CPPED1: variants seen among roughly 807,000 people sequenced by gnomAD.
CPPED1 encodes serine/threonine-protein phosphatase CPPED1.
A neutral mutation model predicts 28.0 loss-of-function variants in CPPED1; 28 were observed. That is an observed-to-expected ratio of 1.00 (90% confidence interval 0.74 to 1.37). CPPED1 has a LOEUF of 1.37. Ranked by LOEUF, CPPED1 falls within the 40% of genes most tolerant of loss-of-function variation. The probability of loss-of-function intolerance (pLI) is 0.00; values close to 1 mark genes in which losing one functional copy is unlikely to be tolerated. For synonymous variants in CPPED1, 198 were observed against 180.2 expected, an observed-to-expected ratio of 1.10 and a Z score of -0.79; for missense variants, 504 against 416.5, an observed-to-expected ratio of 1.21 and a Z score of -1.83.
chr16:12,670,558 A>G lies in CPPED1; in HGVS notation c.716-5443T>C, dbSNP rs1471582438. ...CAGTGAAGAAACTGGACAAACACCA[A>G]AAGCGATAAGTCACATGATTAGTAT... On this transcript the variant is annotated intron_variant, in intron 3 of 3. Coordinates refer to ENST00000381774, the MANE Select transcript of CPPED1 (RefSeq NM_018340.3). This position sits in a 1 kb window ranked among gnomAD's most constrained non-coding sequence, Gnocchi z 4.2. Among the ~76,000 whole-genome samples the G allele has an allele frequency of 6.6e-6, 1 of 152,220 alleles. No homozygotes were observed. The highest frequency in any genetic ancestry group is 1.5e-5 in the Non-Finnish European group (1 of 68,048).
chr16:12,775,731 C>T (rs554263935), intron 2 of CPPED1, among the ~76,000 whole-genome samples: 7 of 152,290 alleles, frequency 4.6e-5, no homozygotes, highest in Middle Eastern at 3.4e-3. Flanking sequence ...CAAAACGAAG[C>T]GCACAAGGTT....
chr16:12,688,045 T>C (rs11861536), intron 3 of CPPED1, among the ~76,000 whole-genome samples: 32,389 of 151,428 alleles, frequency 0.21, 6,183 homozygotes, highest in African/African-American at 0.52. Flanking sequence ...TTTTTTTTTT[T>C]TTGAGACAGG....
chr16:12,720,758 G>A (rs143738015), intron 2 of CPPED1, among the ~76,000 whole-genome samples: 4 of 152,344 alleles, frequency 2.6e-5, no homozygotes, highest in East Asian at 3.9e-4. Context: ...GATTACAGGC[G>A]TGCGCCATCG....
chr16:12,803,064 T>G (rs1429003682), intron 1 of CPPED1, among the ~76,000 whole-genome samples: 1 of 152,230 alleles, frequency 6.6e-6, no homozygotes, highest in Non-Finnish European at 1.5e-5. Flanking sequence ...ACAAAAATAC[T>G]TTTGATCTGT....
At chr16:12,794,910 G>C (rs927380899) in intron 1 of CPPED1, among the ~76,000 whole-genome samples, 1 of 152,258 alleles carries the variant, frequency 6.6e-6, no homozygotes, top group Non-Finnish European at 1.5e-5. Context: ...TAAGAAAGCA[G>C]ATGGGCTGGG....
At chr16:12,688,241 G>C (rs1276005823) in intron 3 of CPPED1, among the ~76,000 whole-genome samples, 1 of 150,860 alleles carries the variant, frequency 6.6e-6, no homozygotes, top group East Asian at 2.0e-4. Flanking sequence ...AGAAAGCAAA[G>C]TACTTGCACA....
chr16:12,667,393 G>T (rs995669811), intron 3 of CPPED1, among the ~76,000 whole-genome samples: 2 of 152,058 alleles, frequency 1.3e-5, no homozygotes, highest in African/African-American at 4.8e-5. Context: ...GAGAACAGGA[G>T]GTAATGAACA....
At chr16:12,752,705 A>T (rs909427578) in intron 2 of CPPED1, among the ~76,000 whole-genome samples, 5 of 147,580 alleles carry the variant, frequency 3.4e-5, no homozygotes, top group Admixed American at 6.8e-5. Context: ...AAACTAAAAC[A>T]CATGCCAAAA....
At chr16:12,755,674 A>G (rs2080361847) in intron 2 of CPPED1, among the ~76,000 whole-genome samples, 1 of 152,234 alleles carries the variant, frequency 6.6e-6, no homozygotes, top group South Asian at 2.1e-4. Flanking sequence ...TACGCATACA[A>G]TAAAGTTAAT....
intron 1 of CPPED1, among the ~76,000 whole-genome samples, chr16:12,785,345 G>T (rs187805869): frequency 2.6e-4 from 39 of 152,028 alleles, no homozygotes; most frequent in Middle Eastern, 3.4e-3. Context: ...GTTCTCCCAT[G>T]CTCAAGCGAT....
At chr16:12,758,660 T>C (rs2080388255) in intron 2 of CPPED1, among the ~76,000 whole-genome samples, 1 of 152,204 alleles carries the variant, frequency 6.6e-6, no homozygotes, top group African/African-American at 2.4e-5. Flanking sequence ...CATTAGATCA[T>C]GTGCCTGAGA....
intron 3 of CPPED1, among the ~76,000 whole-genome samples, chr16:12,700,364 G>A (rs2080013972): frequency 6.6e-6 from 1 of 152,188 alleles, no homozygotes; most frequent in East Asian, 1.9e-4. Context: ...AGGCACAAGT[G>A]GCTTCCCTAA....
rs1253455851 is a variant in CPPED1 at position 12,664,531 on chromosome 16, G to C, written c.*355C>G. On this transcript the variant is annotated 3_prime_UTR_variant, in exon 4 of 4. Coordinates refer to ENST00000381774, the MANE Select transcript of CPPED1 (RefSeq NM_018340.3). The surrounding 1 kb of genome is among the most constrained non-coding windows in gnomAD (Gnocchi z 4.2). Reference sequence around the variant, plus strand: ...AAGATCATACTTGGCTGTCAGATTGGAATTGAGGTCGATAGGCAGACTTTG... The same window carrying C: ...AAGATCATACTTGGCTGTCAGATTGCAATTGAGGTCGATAGGCAGACTTTG... The C allele has an allele frequency of 1.7e-5, 18 of 1,078,136 alleles. No homozygotes were observed. The highest frequency in any genetic ancestry group is 1.9e-5 in the Non-Finnish European group (17 of 889,352). The allele number at this position is 1,078,136 out of a possible 1,614,324, so 66.8% of individuals were successfully genotyped here.
chr16:12,765,216 C>G (rs2080431900), intron 2 of CPPED1, among the ~76,000 whole-genome samples: 1 of 152,210 alleles, frequency 6.6e-6, no homozygotes, highest in Non-Finnish European at 1.5e-5. Context: ...ATTCATTGAT[C>G]TAAAACTTTG....
At position 12,664,714 on chromosome 16, in the gene CPPED1, T is replaced by G. The variant is rs1055254360; in HGVS notation, c.*172A>C. Reference sequence around the variant, plus strand: ...ATTTTAAAGGAAATGCAGTTCTATTTTGAATATAATTCAGGACAGGGCCCC... The same window carrying G: ...ATTTTAAAGGAAATGCAGTTCTATTGTGAATATAATTCAGGACAGGGCCCC... On this transcript the variant is annotated 3_prime_UTR_variant, in exon 4 of 4. Coordinates refer to ENST00000381774, the MANE Select transcript of CPPED1 (RefSeq NM_018340.3). The surrounding 1 kb of genome is among the most constrained non-coding windows in gnomAD (Gnocchi z 4.2). The G allele has an allele frequency of 2.8e-5, 41 of 1,454,478 alleles. No homozygotes were observed. The highest frequency in any genetic ancestry group is 1.5e-5 in the South Asian group (1 of 68,342). The allele number at this position is 1,454,478 out of a possible 1,614,324, so 90.1% of individuals were successfully genotyped here. A position where few individuals can be genotyped will look rare whatever the true frequency, so the allele number is the denominator to read the frequency against.
chr16:12,793,671 C>A (rs2080609812), intron 1 of CPPED1, among the ~76,000 whole-genome samples: 1 of 152,162 alleles, frequency 6.6e-6, no homozygotes, highest in African/African-American at 2.4e-5. Flanking sequence ...GTTACTCGTG[C>A]CATGACTACC....
intron 2 of CPPED1, among the ~76,000 whole-genome samples, chr16:12,770,714 C>T (rs921810054): frequency 6.6e-6 from 1 of 151,754 alleles, no homozygotes; most frequent in Non-Finnish European, 1.5e-5. Context: ...CCCAGCTACT[C>T]GGGAGACTGA....
chr16:12,757,027 ATTATAGCACCTCGAGGTGACCAACTAAG>A (rs2080374087), intron 2 of CPPED1, among the ~76,000 whole-genome samples: 1 of 152,208 alleles, frequency 6.6e-6, no homozygotes, highest in Admixed American at 6.5e-5. Context: ...GTAGGACCCT[ATTATAGCACCTCGAGGTGACCAACTAAG>A]TTATAGCACC....
At chr16:12,771,205 G>C (rs2080468732) in intron 2 of CPPED1, among the ~76,000 whole-genome samples, 1 of 152,184 alleles carries the variant, frequency 6.6e-6, no homozygotes, top group South Asian at 2.1e-4. Flanking sequence ...GTGAAGCACA[G>C]ATTTCTGTCT....
Sources: allele counts gnomAD v4.1 joint callset (sites outside exome capture counted in the v4.1 genomes callset), GRCh38; gene constraint gnomAD v4.1.1; non-coding constraint Gnocchi (gnomAD v3.1); transcripts MANE v1.5; gene names NCBI Gene and HGNC (gene_info 2026-07-23, HGNC 2026-07-21).